DRC4: variants seen among roughly 807,000 people sequenced by gnomAD.
DRC4 encodes dynein regulatory complex subunit 4, also known as GAS-11.
chr16:90,032,167 A>AG, the DRC4 span, among the ~76,000 whole-genome samples: 1 of 149,360 alleles, frequency 6.7e-6, no homozygotes, highest in Non-Finnish European at 1.5e-5. Flanking sequence ...GCAGGTGAGC[A>AG]GGGGGGTACA....
the DRC4 span, chr16:90,029,187 T>TA: frequency 7.4e-7 from 1 of 1,348,362 alleles, no homozygotes; most frequent in Non-Finnish European, 9.9e-7. Context: ...CGGGGCAGGC[T>TA]ATGGGGCAGC....
Sources: allele counts gnomAD v4.1 joint callset (sites outside exome capture counted in the v4.1 genomes callset), GRCh38; gene constraint gnomAD v4.1.1; transcripts MANE v1.5; gene names NCBI Gene and HGNC (gene_info 2026-07-23, HGNC 2026-07-21).